ZNF775: variants seen among roughly 807,000 people sequenced by gnomAD.
ZNF775 encodes the protein zinc finger protein 775.
In ZNF775, 1 loss-of-function variant was observed where a neutral mutation model predicts 2.4. The ratio of observed to expected loss-of-function variants is 0.41; its 90% CI spans 0.15 to 1.94. The LOEUF is 1.94. Among genes scored for constraint, ZNF775 ranks in the 30% most tolerant of loss-of-function variants. The pLI is 0.30. For missense variants in ZNF775, 823 were observed against 826.6 expected (o/e 1.00, Z 0.05); for synonymous variants, 381 against 373.3 (o/e 1.02, Z -0.24).
At chr7:150,379,562 G>A (rs1242958743) in intron 1 of ZNF775, among the ~76,000 whole-genome samples, 170 bp downstream of exon 1, 1 of 151,494 alleles carries the variant, frequency 6.6e-6, no homozygotes, top group Non-Finnish European at 1.5e-5. Flanking sequence ...AGCCCCGCGC[G>A]CCCCCCGAGC....
chr7:150,384,142 G>A lies in ZNF775; in HGVS notation c.-49-4280G>A, dbSNP rs940162282. Among the ~76,000 whole-genome samples, 9 of 152,244 alleles carry A rather than the reference G, an allele frequency of 5.9e-5. No homozygotes were observed. Among genetic ancestry groups the A allele is most frequent in the Admixed American group, 4.6e-4 (7 of 15,292 alleles). On this transcript the variant is annotated intron_variant, in intron 1 of 2. Transcript: ENST00000329630. The surrounding 1 kb of genome is among the most constrained non-coding windows in gnomAD (Gnocchi z 4.1). Reference sequence around the variant, plus strand: ...TGAACTGCAGCCTGACCCGGTGCGCGGAGGGCCGGGCCAGGGCCAGGCGTG... The same window carrying A: ...TGAACTGCAGCCTGACCCGGTGCGCAGAGGGCCGGGCCAGGGCCAGGCGTG...
intron 2 of ZNF775, among the ~76,000 whole-genome samples, chr7:150,396,115 G>C (rs1800644192): frequency 6.6e-6 from 1 of 152,134 alleles, no homozygotes; most frequent in African/African-American, 2.4e-5. Flanking sequence ...TGCCCCCTGG[G>C]TCAGCAGATT....
intron 2 of ZNF775, among the ~76,000 whole-genome samples, chr7:150,391,480 C>A (rs1800557307): frequency 6.6e-6 from 1 of 151,960 alleles, no homozygotes; most frequent in African/African-American, 2.4e-5. Context: ...TGCATTCCAG[C>A]CTGGGTGACT....
chr7:150,389,900 T>TTA (rs1800528995), intron 2 of ZNF775, among the ~76,000 whole-genome samples: 1 of 42,006 alleles, frequency 2.4e-5, no homozygotes, highest in South Asian at 6.1e-4. Flanking sequence ...TGTGTGTGTG[T>TTA]GTGTGTGTGT....
intron 1 of ZNF775, among the ~76,000 whole-genome samples, chr7:150,385,412 C>T (rs1181242297): frequency 2.0e-5 from 3 of 151,990 alleles, no homozygotes; most frequent in East Asian, 1.9e-4. Context: ...ACTGCAAAGA[C>T]GGGAGCTCTG....
intron 1 of ZNF775, among the ~76,000 whole-genome samples, chr7:150,386,510 C>A (rs926887513): frequency 6.6e-6 from 1 of 152,106 alleles, no homozygotes; most frequent in Non-Finnish European, 1.5e-5. Context: ...AGTGTCTGGG[C>A]TCTGAAGGGG....
chr7:150,388,375 C>G (rs1207802286), intron 1 of ZNF775, 47 bp from the exon 2 acceptor site: 1 of 1,473,746 alleles, frequency 6.8e-7, no homozygotes, highest in East Asian at 2.5e-5. Flanking sequence ...GAGTTTTGTC[C>G]TTGTCCCACA....
At position 150,397,407 on chromosome 7, in the gene ZNF775, A is replaced by G. The variant is rs1160078737; in HGVS notation, c.926A>G (p.Tyr309Cys). 2.5e-6 allele frequency: 4 copies of G among 1,595,994 alleles called. No homozygotes were observed. Among genetic ancestry groups the G allele is most frequent in the Non-Finnish European group, 3.4e-6 (4 of 1,174,604 alleles). Residue 309 changes from tyrosine (Y) to cysteine (C), a missense_variant, in exon 3 of 3, where the codon TAT becomes TGT. By Grantham distance (194) the Tyr-to-Cys change is radical (BLOSUM62 -2). Coordinates refer to ENST00000329630, the MANE Select transcript of ZNF775 (RefSeq NM_173680.4). ...HQRIHTGERPYACPECGRRFS... is the reference protein window; with the variant it reads ...HQRIHTGERPCACPECGRRFS... ...CGCATCCACACTGGCGAGCGCCCCT[A>G]TGCGTGCCCCGAGTGCGGCCGCCGC...
At chr7:150,383,440 G>A (rs1015582036) in intron 1 of ZNF775, among the ~76,000 whole-genome samples, 1 of 152,192 alleles carries the variant, frequency 6.6e-6, no homozygotes, top group Non-Finnish European at 1.5e-5. Flanking sequence ...TAACCTGAGT[G>A]AGGGGTCTCA....
chr7:150,391,711 T>C lies in ZNF775; in HGVS notation c.31+3210T>C, dbSNP rs868260936. ...CATTTCTTTTTCCTTTCTTTCTTTT[T>C]TTTTTTTTTTTTTTTTGAGATAGAG... On this transcript the variant is annotated intron_variant, in intron 2 of 2. Coordinates refer to ENST00000329630, the MANE Select transcript of ZNF775 (RefSeq NM_173680.4). 4.3e-4 allele frequency among the ~76,000 whole-genome samples: 60 copies of C among 138,714 alleles called. 1 individual carries two copies. Among genetic ancestry groups the C allele is most frequent in the Middle Eastern group, 3.5e-3 (1 of 284 alleles). 91.0% of individuals were successfully genotyped at this position (138,714 alleles called of 152,430 possible).
At position 150,397,711 on chromosome 7, in the gene ZNF775, G is replaced by A. The variant is rs901972192; in HGVS notation, c.1230G>A (p.Pro410=). Residue 410 remains proline, a synonymous_variant, in exon 3 of 3, where the codon CCG becomes CCA. Transcript: ENST00000329630. ...PGDQPQAEAI[P]GLAARPRSSQ... is the part of the protein sequence containing the mutation. ...ACCAGCCGCAGGCCGAGGCCATCCC[G>A]GGCTTGGCCGCGAGGCCGCGGAGCT... The A allele has an allele frequency of 2.1e-5, 30 of 1,403,202 alleles. No individual in the cohort carries two copies. The African/African-American group carries it at 3.5e-4, about 16-fold the overall frequency. The allele number at this position is 1,403,202 out of a possible 1,614,324, so 86.9% of individuals were successfully genotyped here. A position where few individuals can be genotyped will look rare whatever the true frequency, so the allele number is the denominator to read the frequency against.
chr7:150,390,617 A>G (rs1265314262), intron 2 of ZNF775, among the ~76,000 whole-genome samples: 1 of 152,210 alleles, frequency 6.6e-6, no homozygotes, highest in Non-Finnish European at 1.5e-5. Flanking sequence ...GAATCTTTTC[A>G]TATTGGCATA....
chr7:150,393,429 C>G (rs529665101), intron 2 of ZNF775, among the ~76,000 whole-genome samples: 7 of 152,210 alleles, frequency 4.6e-5, no homozygotes, highest in Non-Finnish European at 8.8e-5. Flanking sequence ...TATAAAAATT[C>G]ATGTGTAGTT....
In ZNF775 at chr7:150,397,673, G is replaced by A. The variant is rs1800700913; in HGVS notation, c.1192G>A (p.Gly398Arg). The change falls in exon 3 of 3, where the codon GGG (glycine) becomes AGG (arginine). Residue 398 changes from glycine (G) to arginine (R), a missense_variant. Transcript: ENST00000329630. ...TGTCGCTGAGCCCGCCGTTCCGGCC[G>A]GGGAACCGGGCGACCAGCCGCAGGC... ...HAVAEPAVPA[G>R]EPGDQPQAEA... 9.8e-6 allele frequency: 13 copies of A among 1,331,424 alleles called. No individual in the cohort carries two copies. Among genetic ancestry groups the A allele is most frequent in the Non-Finnish European group, 1.2e-5 (13 of 1,046,476 alleles). The allele number at this position is 1,331,424 out of a possible 1,614,324, so 82.5% of individuals were successfully genotyped here.
Position 150,398,352 on chromosome 7 carries a change from T to C in ZNF775, c.*257T>C, listed in dbSNP as rs770262864. The C allele has an allele frequency of 5.0e-5, 29 of 576,428 alleles. No individual in the cohort carries two copies. The highest frequency in any genetic ancestry group is 4.5e-4 in the Middle Eastern group (1 of 2,212). 35.7% of individuals were successfully genotyped at this position (576,428 alleles called of 1,614,324 possible). A position where few individuals can be genotyped will look rare whatever the true frequency, so the allele number is the denominator to read the frequency against. On this transcript the variant is annotated 3_prime_UTR_variant, in exon 3 of 3. Transcript: ENST00000329630. ...GGGATGTGACCACCCTCTTCAGAGG[T>C]TGGACCCCAGGCTTCAAGCACCGAG...
intron 2 of ZNF775, among the ~76,000 whole-genome samples, chr7:150,391,279 C>T (rs909580607): frequency 3.3e-5 from 5 of 152,124 alleles, no homozygotes; most frequent in Admixed American, 1.3e-4. Flanking sequence ...AGGCCCAGTT[C>T]GGTGGATCAC....
intron 1 of ZNF775, among the ~76,000 whole-genome samples, chr7:150,381,429 GTACA>G (rs1418618396): frequency 6.6e-6 from 1 of 152,112 alleles, no homozygotes; most frequent in Non-Finnish European, 1.5e-5. Flanking sequence ...ATACCCTGAG[GTACA>G]GTTCTTATAA....
intron 1 of ZNF775, among the ~76,000 whole-genome samples, chr7:150,386,637 C>A (rs2129620957): frequency 6.6e-6 from 1 of 152,182 alleles, no homozygotes; most frequent in African/African-American, 2.4e-5. Flanking sequence ...TCTGGAAGAG[C>A]CCCTCCCTGA....
intron 1 of ZNF775, among the ~76,000 whole-genome samples, chr7:150,387,015 G>A (rs186865037): frequency 1.1e-4 from 17 of 152,292 alleles, no homozygotes; most frequent in South Asian, 4.1e-4. Context: ...GGAGCGCCAG[G>A]GGCCAGCACG....
Sources: allele counts gnomAD v4.1 joint callset (sites outside exome capture counted in the v4.1 genomes callset), GRCh38; gene constraint gnomAD v4.1.1; non-coding constraint Gnocchi (gnomAD v3.1); transcripts MANE v1.5; gene names NCBI Gene and HGNC (gene_info 2026-07-23, HGNC 2026-07-21).